Variants in GRM1 observed in about 807,000 individuals in gnomAD.
GRM1 encodes glutamate metabotropic receptor 1, also known as metabotropic glutamate receptor 1.
In GRM1, 33 loss-of-function variants were observed where a neutral mutation model predicts 90.9. The ratio of observed to expected loss-of-function variants is 0.36; its 90% CI spans 0.28 to 0.49. The LOEUF (loss-of-function observed/expected upper bound fraction) is 0.49. Ranked by LOEUF, GRM1 falls within the 20% of genes least tolerant of loss-of-function variation. GRM1 has a pLI of 0.99. For synonymous variants in GRM1, 700 were observed against 613.2 expected (o/e 1.14, Z -2.09); for missense variants, 1,190 against 1,534.3 (o/e 0.78, Z 3.75).
At chr6:146,100,307 T>C (rs560173834) in intron 1 of GRM1, among the ~76,000 whole-genome samples, 5 of 152,320 alleles carry the variant, frequency 3.3e-5, no homozygotes, top group Non-Finnish European at 7.4e-5. Flanking sequence ...TGTTCTTAAT[T>C]TTAATGTAGT....
intron 6 of GRM1, among the ~76,000 whole-genome samples, chr6:146,394,393 A>G (rs1206219484): frequency 6.6e-6 from 1 of 152,120 alleles, no homozygotes; most frequent in Non-Finnish European, 1.5e-5. Context: ...AGAAGTATGA[A>G]TAAGCAAGAA....
chr6:146,413,365 T>TCTA (rs1177091539), intron 7 of GRM1, among the ~76,000 whole-genome samples: 2 of 152,144 alleles, frequency 1.3e-5, no homozygotes, highest in African/African-American at 4.8e-5. Flanking sequence ...TTGATTGTAT[T>TCTA]AGGTCAATAT....
At chr6:146,317,573 A>C (rs948484205) in intron 3 of GRM1, among the ~76,000 whole-genome samples, 3 of 152,200 alleles carry the variant, frequency 2.0e-5, no homozygotes, top group African/African-American at 4.8e-5. Flanking sequence ...GGCTAGATAT[A>C]CTGTGACAAG....
intron 7 of GRM1, among the ~76,000 whole-genome samples, chr6:146,425,128 G>A (rs1456139255): frequency 6.6e-6 from 1 of 152,110 alleles, no homozygotes; most frequent in Non-Finnish European, 1.5e-5. Context: ...GGTAAATCAT[G>A]CACCTTTAAA....
intron 2 of GRM1, among the ~76,000 whole-genome samples, chr6:146,276,574 A>G (rs1046701153): frequency 1.3e-5 from 2 of 152,172 alleles, no homozygotes; most frequent in Admixed American, 6.5e-5. Flanking sequence ...TTAAATTATA[A>G]TATGTAGAGA....
At chr6:146,157,608 G>T (rs1310416769) in intron 1 of GRM1, among the ~76,000 whole-genome samples, 1 of 152,036 alleles carries the variant, frequency 6.6e-6, no homozygotes, top group East Asian at 1.9e-4. Context: ...TGAGGTCAGG[G>T]GTATTTTTCT....
chr6:146,055,003 G>C lies in GRM1; in HGVS notation c.700+24786G>C, dbSNP rs530983020. ...TGAGTGCTGGATGAGTGAGGAGATA[G>C]GAATGGGGCGATTTGCCTTGGGTTC... On this transcript the variant is annotated intron_variant, in intron 1 of 7. Transcript: ENST00000282753. Among the ~76,000 whole-genome samples the C allele has an allele frequency of 1.9e-4, 29 of 152,102 alleles. No homozygotes were observed. In the East Asian group the frequency reaches 5.2e-3, roughly 28 times the overall value.
At chr6:146,216,101 A>G (rs955620840) in intron 2 of GRM1, among the ~76,000 whole-genome samples, 3 of 152,272 alleles carry the variant, frequency 2.0e-5, no homozygotes, top group South Asian at 4.1e-4. Context: ...ACTTGTTCTA[A>G]AATTGTTCTG....
rs544632399 is a variant in GRM1, at chr6:146,184,807, A to G, written c.950+25210A>G. On this transcript the variant is annotated intron_variant, in intron 2 of 7. Coordinates refer to ENST00000282753, the MANE Select transcript of GRM1 (RefSeq NM_001278064.2). ...GCCTGATGAAGCCTTCATGATCAAC[A>G]AGATTGCTCTTTAACATAGAGACAG... Among the ~76,000 whole-genome samples, 3 of 152,320 alleles carry G rather than the reference A, an allele frequency of 2.0e-5. No individual in the cohort carries two copies. In the East Asian group the frequency reaches 5.8e-4, roughly 29 times the overall value.
intron 3 of GRM1, among the ~76,000 whole-genome samples, chr6:146,337,350 T>C (rs796346334): frequency 4.6e-5 from 7 of 152,332 alleles, no homozygotes; most frequent in African/African-American, 1.7e-4. Context: ...CTTTTAATTT[T>C]TTAAAAAATT....
chr6:146,032,664 C>T (rs1790749906), intron 1 of GRM1, among the ~76,000 whole-genome samples: 1 of 152,132 alleles, frequency 6.6e-6, no homozygotes, highest in East Asian at 1.9e-4. Flanking sequence ...AGCAAGGAAG[C>T]CAGTTTGTCT....
At chr6:146,271,078 C>T (rs1395031259) in intron 2 of GRM1, among the ~76,000 whole-genome samples, 1 of 151,296 alleles carries the variant, frequency 6.6e-6, no homozygotes, top group Non-Finnish European at 1.5e-5. Flanking sequence ...GATCTCAGCT[C>T]ACTGCAACCT....
rs543589745 is a variant in GRM1, at chr6:146,029,140, T to A, written c.-378T>A. 2 of 336,812 alleles carry A rather than the reference T, an allele frequency of 5.9e-6. No homozygotes were observed. Among genetic ancestry groups the A allele is most frequent in the Admixed American group, 4.3e-5 (1 of 23,474 alleles). 20.9% of individuals were successfully genotyped at this position (336,812 alleles called of 1,614,324 possible). ...ACTGTTAACATTATAGACCCCAGAGTTTTAACACAGGTCCTCTGATGACAA... is the reference window on the plus strand; with the variant it reads ...ACTGTTAACATTATAGACCCCAGAGATTTAACACAGGTCCTCTGATGACAA... On this transcript the variant is annotated 5_prime_UTR_variant, in exon 1 of 8. Transcript: ENST00000282753.
At chr6:146,425,693 G>A (rs996251110) in intron 7 of GRM1, among the ~76,000 whole-genome samples, 12 of 152,212 alleles carry the variant, frequency 7.9e-5, no homozygotes, top group Non-Finnish European at 1.6e-4. Flanking sequence ...AGCATGTGCT[G>A]ATAGTTCACC....
rs538962633 is a variant in GRM1, at chr6:146,158,273, G to T, written c.701-1075G>T. On this transcript the variant is annotated intron_variant, in intron 1 of 7. Transcript: ENST00000282753. Reference sequence around the variant, plus strand: ...GAGGTAGACTATGAAATCTAAGCTGGGCTAAGAAGGAAACAAGAGGGAGGA... The same window carrying T: ...GAGGTAGACTATGAAATCTAAGCTGTGCTAAGAAGGAAACAAGAGGGAGGA... 3.3e-5 allele frequency among the ~76,000 whole-genome samples: 5 copies of T among 152,226 alleles called. No individual in the cohort carries two copies. The South Asian group carries it at 1.0e-3, about 32-fold the overall frequency.
chr6:146,320,934 G>A (rs924885844), intron 3 of GRM1, among the ~76,000 whole-genome samples: 5 of 151,512 alleles, frequency 3.3e-5, no homozygotes, highest in African/African-American at 1.2e-4. Flanking sequence ...TGAATTCACT[G>A]ATTTTTTTTT....
chr6:146,396,550 A>T (rs1256489643), intron 6 of GRM1, among the ~76,000 whole-genome samples: 1 of 152,210 alleles, frequency 6.6e-6, no homozygotes, highest in Non-Finnish European at 1.5e-5. Context: ...TCTAATGTTT[A>T]TGAACTATCC....
At position 146,281,684 on chromosome 6, in the gene GRM1, G is replaced by A. The variant is rs1022749310; in HGVS notation, c.951-22927G>A. ...TTATGATTAATATACTTCTGGAAAA[G>A]GAGAATGACAGTTGAAATCACTTAA... On this transcript the variant is annotated intron_variant, in intron 2 of 7. Coordinates refer to ENST00000282753, the MANE Select transcript of GRM1 (RefSeq NM_001278064.2). Among the ~76,000 whole-genome samples, 5 of 152,208 alleles carry A rather than the reference G, an allele frequency of 3.3e-5. No homozygotes were observed. In the South Asian group the frequency reaches 1.0e-3, roughly 32 times the overall value.
intron 7 of GRM1, among the ~76,000 whole-genome samples, chr6:146,411,380 T>A (rs1251860534): frequency 6.6e-6 from 1 of 152,102 alleles, no homozygotes; most frequent in Non-Finnish European, 1.5e-5. Context: ...CCAGGATGCC[T>A]GGAGCAGAGG....
Sources: gnomAD v4.1 joint callset for allele counts (sites outside exome capture counted in the v4.1 genomes callset) on GRCh38, gnomAD v4.1.1 for gene constraint, MANE v1.5 for transcripts, NCBI Gene and HGNC (gene_info 2026-07-23, HGNC 2026-07-21) for gene names.